The following GLRX2 variants were observed in gnomAD, a reference collection of about 807,000 sequenced individuals.
GLRX2 encodes the protein bA101E13.1 (GRX2 glutaredoxin (thioltransferase) 2).
GLRX2 carries 12 observed loss-of-function variants against 16.4 expected under a neutral mutation model. The observed-to-expected ratio is 0.73, with a 90% CI of 0.47 to 1.19. The LOEUF (loss-of-function observed/expected upper bound fraction) is 1.19. Among genes scored for constraint, GLRX2 ranks in the 50% most tolerant of loss-of-function variants. GLRX2 has a pLI of 0.00. For synonymous variants in GLRX2, 95 were observed against 76.2 expected (o/e 1.25, Z -1.28); for missense variants, 201 against 201.8 (o/e 1.00, Z 0.02).
chr1:193,100,984 G>T (rs1675062993), intron 2 of GLRX2, among the ~76,000 whole-genome samples, 157 bp downstream of exon 2: 1 of 152,126 alleles, frequency 6.6e-6, no homozygotes, highest in African/African-American at 2.4e-5. Context: ...TTAGTCACAA[G>T]GATGATTTTC....
chr1:193,099,224 G>A lies in GLRX2; in HGVS notation c.184-1464C>T, dbSNP rs775516582. On this transcript the variant is annotated intron_variant, in intron 2 of 3. Coordinates refer to ENST00000367439, the MANE Select transcript of GLRX2 (RefSeq NM_197962.3). ...CTATGAGATTCTGCTATGCATCCAC[G>A]CAGCCTATGAAGTTTTTCTTTTTGT... Among the ~76,000 whole-genome samples the A allele has an allele frequency of 1.5e-4, 23 of 152,150 alleles. 1 individual carries two copies. The highest frequency in any genetic ancestry group is 4.1e-4 in the South Asian group (2 of 4,832).
chr1:193,102,172 T>C (rs551788947), intron 1 of GLRX2, among the ~76,000 whole-genome samples: 1 of 152,316 alleles, frequency 6.6e-6, no homozygotes, highest in Non-Finnish European at 1.5e-5. Flanking sequence ...TAAAAAACTA[T>C]TATCCTTGTG....
upstream of GLRX2, chr1:193,106,047 G>A (rs948023968): frequency 3.0e-6 from 3 of 987,584 alleles, no homozygotes; most frequent in African/African-American, 5.2e-5. Context: ...TTTCACCATG[G>A]CTTTGGAAAT....
intron 1 of GLRX2, among the ~76,000 whole-genome samples, chr1:193,103,654 T>A (rs4657845): frequency 0.72 from 110,053 of 151,964 alleles, 40,118 homozygotes; most frequent in Middle Eastern, 0.78. Context: ...TGATATCAGC[T>A]CACCTAGAGT....
At chr1:193,105,592 T>C (rs1212741286), upstream of GLRX2, 1 of 1,606,900 alleles carries the variant, frequency 6.2e-7, no homozygotes, top group Admixed American at 1.7e-5. Context: ...CGTGTAAACA[T>C]CCTTTAGAGG....
chr1:193,099,218 A>G (rs1412275392), intron 2 of GLRX2, among the ~76,000 whole-genome samples: 5 of 152,228 alleles, frequency 3.3e-5, no homozygotes, highest in Non-Finnish European at 7.3e-5. Flanking sequence ...TCTGCTATGC[A>G]TCCACGCAGC....
chr1:193,104,937 A>T (rs1171679034), intron 1 of GLRX2, among the ~76,000 whole-genome samples: 2 of 152,274 alleles, frequency 1.3e-5, no homozygotes, highest in Admixed American at 6.5e-5. Flanking sequence ...ACTTGGACTA[A>T]GAATCATTCG....
intron 3 of GLRX2, 88 bp from the exon 4 acceptor site, chr1:193,096,847 G>A: frequency 3.0e-6 from 3 of 1,012,910 alleles, no homozygotes; most frequent in South Asian, 1.8e-5. Flanking sequence ...TTGAACTCTG[G>A]GTACTTTTAT....
At chr1:193,100,686 C>T (rs1675057307) in intron 2 of GLRX2, among the ~76,000 whole-genome samples, 1 of 152,164 alleles carries the variant, frequency 6.6e-6, no homozygotes, top group Non-Finnish European at 1.5e-5. Flanking sequence ...ATTAACGAAG[C>T]TTCTCAGTAA....
At chr1:193,101,451 C>T (rs1038067212) in intron 1 of GLRX2, among the ~76,000 whole-genome samples, 5 of 152,184 alleles carry the variant, frequency 3.3e-5, no homozygotes, top group African/African-American at 1.2e-4. Flanking sequence ...ATCATATTTA[C>T]TGTGTTTAAA....
intron 1 of GLRX2, among the ~76,000 whole-genome samples, chr1:193,102,680 TC>T (rs1179186171): frequency 1.3e-5 from 2 of 152,174 alleles, no homozygotes; most frequent in African/African-American, 4.8e-5. Context: ...TTTAAGTGAA[TC>T]CACTCTAATA....
chr1:193,096,885 A>T (rs1674970211), intron 3 of GLRX2, 126 bp from the exon 4 acceptor site: 1 of 652,538 alleles, frequency 1.5e-6, no homozygotes, highest in Admixed American at 3.0e-5. Flanking sequence ...GCTCTTTCAC[A>T]AATTAAATCT....
rs772973929 is a variant in GLRX2, at chr1:193,101,162, C to T, written c.162G>A (p.Thr54=). The change falls in exon 2 of 4, where the codon ACG becomes ACA. Residue 54 remains threonine (T), a synonymous_variant. Coordinates refer to ENST00000367439, the MANE Select transcript of GLRX2 (RefSeq NM_197962.3). ...NTSSSLENLA[T]APVNQIQETI... is the part of the protein sequence containing the mutation. The stretch of plus-strand genomic sequence containing the variant: ...TCACTTGGATCTGGTTCACAGGCGC[C>T]GTCGCTAAATTCTCCAAAGATGATG... 6.2e-6 allele frequency: 10 copies of T among 1,611,412 alleles called. No individual in the cohort carries two copies. The highest frequency in any genetic ancestry group is 2.7e-5 in the African/African-American group (2 of 74,822).
At chr1:193,104,442 G>A (rs1397361116) in intron 1 of GLRX2, among the ~76,000 whole-genome samples, 2 of 152,236 alleles carry the variant, frequency 1.3e-5, no homozygotes, top group African/African-American at 4.8e-5. Context: ...ACACTTAACA[G>A]CCTGTGATTA....
At chr1:193,105,149 G>C (rs983139730) in intron 1 of GLRX2, 115 bp downstream of exon 1, 1 of 1,394,066 alleles carries the variant, frequency 7.2e-7, no homozygotes, top group East Asian at 2.9e-5. Context: ...CCACGCGCTA[G>C]TACGCCTCGC....
At chr1:193,104,559 C>T (rs560213443) in intron 1 of GLRX2, among the ~76,000 whole-genome samples, 42 of 152,372 alleles carry the variant, frequency 2.8e-4, no homozygotes, top group African/African-American at 9.6e-4. Context: ...GCGAGACAGA[C>T]TCTCCGGCCA....
chr1:193,105,580 C>G (rs780781619), upstream of GLRX2: 31 of 1,607,592 alleles, frequency 1.9e-5, no homozygotes, highest in Non-Finnish European at 2.5e-5. Context: ...GAGTGCCACC[C>G]ACGTGTAAAC....
chr1:193,099,193 C>T (rs1354654060), intron 2 of GLRX2, among the ~76,000 whole-genome samples: 1 of 152,204 alleles, frequency 6.6e-6, no homozygotes, highest in African/African-American at 2.4e-5. Flanking sequence ...GCCTTTACCA[C>T]AATGGCTATG....
At chr1:193,104,851 C>T (rs1445647996) in intron 1 of GLRX2, among the ~76,000 whole-genome samples, 2 of 152,244 alleles carry the variant, frequency 1.3e-5, no homozygotes, top group African/African-American at 4.8e-5. Context: ...GCAGGACGCC[C>T]GGTCAAATTA....
Sources: gnomAD v4.1 joint callset for allele counts (sites outside exome capture counted in the v4.1 genomes callset) on GRCh38, gnomAD v4.1.1 for gene constraint, MANE v1.5 for transcripts, NCBI Gene and HGNC (gene_info 2026-07-23, HGNC 2026-07-21) for gene names.